SERPINB7: variants seen among roughly 807,000 people sequenced by gnomAD.
SERPINB7 encodes the protein serpin family B member 7.
SERPINB7 carries 31 observed loss-of-function variants against 37.4 expected under a neutral mutation model. The observed-to-expected ratio is 0.83, with a 90% confidence interval of 0.62 to 1.12. The LOEUF (loss-of-function observed/expected upper bound fraction) is 1.12. Ranked by LOEUF, SERPINB7 falls within the 50% of genes most tolerant of loss-of-function variation. The pLI, the probability that SERPINB7 is intolerant of heterozygous loss-of-function variation, is 0.00. For synonymous variants in SERPINB7, 163 were observed against 166.1 expected, an observed-to-expected ratio of 0.98 and a Z score of 0.14; for missense variants, 521 against 455.3, an observed-to-expected ratio of 1.14 and a Z score of -1.31.
At chr18:63,765,544 C>A (rs1283626624) in intron 1 of SERPINB7, among the ~76,000 whole-genome samples, 3 of 152,122 alleles carry the variant, frequency 2.0e-5, no homozygotes, top group African/African-American at 7.2e-5. Flanking sequence ...GCTTCCCTTC[C>A]CATTTAGGAT....
At chr18:63,762,965 A>G (rs1208587172) in intron 1 of SERPINB7, among the ~76,000 whole-genome samples, 1 of 152,218 alleles carries the variant, frequency 6.6e-6, no homozygotes. Context: ...GACGTAGATG[A>G]CATTTGCCTT....
At chr18:63,797,930 C>T (rs1181395192) in intron 5 of SERPINB7, among the ~76,000 whole-genome samples, 1 of 152,224 alleles carries the variant, frequency 6.6e-6, no homozygotes, top group Non-Finnish European at 1.5e-5. Context: ...GGAAGCTCTT[C>T]CTGCTCCCCA....
chr18:63,782,658 T>TCACACATCTC (rs1403935642), intron 2 of SERPINB7, 118 bp downstream of exon 2: 2 of 945,350 alleles, frequency 2.1e-6, no homozygotes, highest in Non-Finnish European at 3.1e-6. Context: ...TGTCACATCT[T>TCACACATCTC]CACACATCTC....
intron 7 of SERPINB7, among the ~76,000 whole-genome samples, chr18:63,803,822 C>G (rs1234683600): frequency 1.3e-5 from 2 of 152,166 alleles, no homozygotes; most frequent in South Asian, 2.1e-4. Context: ...GTAAGCTGTG[C>G]AAACATTATT....
chr18:63,755,194 G>A (rs1213109870), intron 1 of SERPINB7, among the ~76,000 whole-genome samples: 6 of 152,054 alleles, frequency 3.9e-5, no homozygotes, highest in East Asian at 1.9e-4. Flanking sequence ...GTGAGCCACC[G>A]CGCCCGGCCT....
intron 2 of SERPINB7, among the ~76,000 whole-genome samples, chr18:63,790,983 T>G (rs549210541): frequency 3.9e-5 from 6 of 152,174 alleles, no homozygotes; most frequent in African/African-American, 7.2e-5. Flanking sequence ...TTCATGTCCT[T>G]TGCAGGGACA....
chr18:63,787,137 G>A (rs1344032441), intron 2 of SERPINB7, among the ~76,000 whole-genome samples: 1 of 152,090 alleles, frequency 6.6e-6, no homozygotes, highest in African/African-American at 2.4e-5. Context: ...TTTTGACCGT[G>A]ACACATCACA....
In SERPINB7 at chr18:63,804,892, A is replaced by G. The variant is rs953293413; in HGVS notation, c.*257A>G. 1.5e-5 allele frequency: 7 copies of G among 461,324 alleles called. No individual in the cohort carries two copies. Among genetic ancestry groups the G allele is most frequent in the African/African-American group, 9.8e-5 (5 of 51,220 alleles). 28.6% of individuals were successfully genotyped at this position (461,324 alleles called of 1,614,324 possible). On this transcript the variant is annotated 3_prime_UTR_variant, in exon 8 of 8. Coordinates refer to ENST00000398019, the MANE Select transcript of SERPINB7 (RefSeq NM_003784.4). Reference sequence around the variant, plus strand: ...TGTCTTTCTTCCCACGCTCATTTCTATCATTCTCCCCCATGACCCGTCTGG... The same window carrying G: ...TGTCTTTCTTCCCACGCTCATTTCTGTCATTCTCCCCCATGACCCGTCTGG...
chr18:63,759,692 A>G (rs1216356687), intron 1 of SERPINB7, among the ~76,000 whole-genome samples: 1 of 152,100 alleles, frequency 6.6e-6, no homozygotes, highest in Non-Finnish European at 1.5e-5. Context: ...TTGTGGAAGG[A>G]CCCAGAGGGA....
At chr18:63,781,205 C>A (rs2049297941) in intron 1 of SERPINB7, among the ~76,000 whole-genome samples, 1 of 152,156 alleles carries the variant, frequency 6.6e-6, no homozygotes, top group South Asian at 2.1e-4. Flanking sequence ...ACATGCCAGT[C>A]CCCAGATGCC....
intron 6 of SERPINB7, among the ~76,000 whole-genome samples, chr18:63,800,259 G>A (rs1317563740): frequency 2.6e-5 from 4 of 151,346 alleles, no homozygotes; most frequent in African/African-American, 4.9e-5. Flanking sequence ...ATGCAGTCTC[G>A]CCATGTTGCT....
intron 1 of SERPINB7, among the ~76,000 whole-genome samples, chr18:63,777,502 A>T (rs1052424360): frequency 6.6e-6 from 1 of 152,078 alleles, no homozygotes; most frequent in Non-Finnish European, 1.5e-5. Flanking sequence ...TAATGTAAGG[A>T]TATCTAAATT....
At chr18:63,782,160 G>T (rs1314540529) in intron 1 of SERPINB7, among the ~76,000 whole-genome samples, 195 bp from the exon 2 acceptor site, 1 of 152,084 alleles carries the variant, frequency 6.6e-6, no homozygotes, top group Admixed American at 6.5e-5. Flanking sequence ...CCAACGAGAA[G>T]AGATAGTTTT....
intron 1 of SERPINB7, among the ~76,000 whole-genome samples, chr18:63,779,282 T>C (rs2049279542): frequency 6.6e-6 from 1 of 152,178 alleles, no homozygotes; most frequent in Admixed American, 6.5e-5. Context: ...GGTCTCATGC[T>C]AATTTTTATT....
chr18:63,759,227 A>C (rs760870271), intron 1 of SERPINB7, among the ~76,000 whole-genome samples: 3 of 151,704 alleles, frequency 2.0e-5, no homozygotes, highest in Non-Finnish European at 4.4e-5. Flanking sequence ...TGTTTTTCCA[A>C]GTGATTTGTA....
intron 1 of SERPINB7, among the ~76,000 whole-genome samples, chr18:63,764,594 G>A (rs2049170830): frequency 6.6e-6 from 1 of 151,956 alleles, no homozygotes; most frequent in Non-Finnish European, 1.5e-5. Context: ...CTCCAGTCAG[G>A]TATTTCTCTC....
At chr18:63,773,470 C>T (rs978322686), upstream of SERPINB7, among the ~76,000 whole-genome samples, 3 of 152,068 alleles carry the variant, frequency 2.0e-5, no homozygotes, top group East Asian at 3.9e-4. Flanking sequence ...CATTAGTATT[C>T]GGTCACCAAA....
intron 1 of SERPINB7, among the ~76,000 whole-genome samples, chr18:63,768,266 A>G (rs2049191534): frequency 6.7e-6 from 1 of 149,804 alleles, no homozygotes; most frequent in South Asian, 2.1e-4. Flanking sequence ...ACTGTTCTTC[A>G]TTTTTTTTTA....
At chr18:63,785,074 C>T (rs1320737282) in intron 2 of SERPINB7, among the ~76,000 whole-genome samples, 2 of 152,160 alleles carry the variant, frequency 1.3e-5, no homozygotes, top group African/African-American at 4.8e-5. Flanking sequence ...ATAACTCTTA[C>T]TATTATGATC....
Sources: gnomAD v4.1 joint callset for allele counts (sites outside exome capture counted in the v4.1 genomes callset) on GRCh38, gnomAD v4.1.1 for gene constraint, MANE v1.5 for transcripts, NCBI Gene and HGNC (gene_info 2026-07-23, HGNC 2026-07-21) for gene names.